The following TPX2 variants were observed in gnomAD, a reference collection of about 807,000 sequenced individuals.
TPX2 encodes the protein TPX2 microtubule nucleation factor.
Under a neutral mutation model 93.6 loss-of-function variants are expected in TPX2, and 21 were observed. That is an observed-to-expected ratio of 0.22 (90% CI 0.16 to 0.32). The LOEUF (loss-of-function observed/expected upper bound fraction) is 0.32, where lower values mean the gene tolerates loss of function less well. TPX2 is among the 10% of genes least tolerant of loss of function. The pLI is 1.00. For synonymous variants in TPX2, 281 were observed against 298.3 expected (o/e 0.94, Z 0.60); for missense variants, 776 against 871.1 (o/e 0.89, Z 1.37).
chr20:31,796,704 A>AT lies in TPX2; in HGVS notation c.1834-685dup, dbSNP rs781035098. The stretch of plus-strand genomic sequence containing the variant: ...GGAGGCTTGATTCAATTCTGGTTAG[A>AT]TTTTTTTTTTTTTTTGGAGGTGGGA... On this transcript the variant is annotated intron_variant, in intron 15 of 17. Coordinates refer to ENST00000300403, the MANE Select transcript of TPX2 (RefSeq NM_012112.5). Among the ~76,000 whole-genome samples the AT allele has an allele frequency of 3.4e-3, 477 of 140,880 alleles. 3 individuals carry two copies. The highest frequency in any genetic ancestry group is 0.012 in the South Asian group (55 of 4,412). The allele number at this position is 140,880 out of a possible 152,430, so 92.4% of individuals were successfully genotyped here.
chr20:31,754,407 C>A (rs1425810162), intron 2 of TPX2, among the ~76,000 whole-genome samples: 1 of 152,100 alleles, frequency 6.6e-6, no homozygotes, highest in East Asian at 1.9e-4. Flanking sequence ...TTGCCCTAGT[C>A]CACTGAGAGA....
At chr20:31,796,389 C>T (rs927498091) in intron 15 of TPX2, among the ~76,000 whole-genome samples, 1 of 152,186 alleles carries the variant, frequency 6.6e-6, no homozygotes, top group Non-Finnish European at 1.5e-5. Context: ...TATTCTCACA[C>T]TTAAAAAGAT....
At chr20:31,774,980 G>A (rs1023034489) in intron 7 of TPX2, among the ~76,000 whole-genome samples, 7 of 152,128 alleles carry the variant, frequency 4.6e-5, no homozygotes, top group African/African-American at 1.7e-4. Context: ...TGTTTTTGGA[G>A]ATGGAGTCTC....
chr20:31,778,743 A>G (rs775685119), intron 9 of TPX2, 70 bp from the exon 10 acceptor site: 1 of 1,410,594 alleles, frequency 7.1e-7, no homozygotes, highest in Admixed American at 2.6e-5. Flanking sequence ...TCTGTGCCGA[A>G]TATGTGGCTT....
At chr20:31,791,190 C>T (rs1350280658) in intron 12 of TPX2, among the ~76,000 whole-genome samples, 2 of 151,940 alleles carry the variant, frequency 1.3e-5, no homozygotes, top group African/African-American at 4.8e-5. Context: ...GCCATGAAGG[C>T]GATATTTATG....
intron 4 of TPX2, 102 bp from the exon 5 acceptor site, chr20:31,766,454 G>GGGGTGTGTGTGTGTGT (rs1477138596): frequency 1.5e-6 from 1 of 680,646 alleles, no homozygotes; most frequent in African/African-American, 2.2e-5. Flanking sequence ...GCTTAGACAG[G>GGGGTGTGTGTGTGTGT]GTGTGTGTGT....
intron 9 of TPX2, 149 bp downstream of exon 9, chr20:31,777,787 T>C: frequency 1.1e-6 from 1 of 876,350 alleles, no homozygotes; most frequent in South Asian, 2.8e-5. Flanking sequence ...GATCTTTTTT[T>C]TTTTTTGAGA....
chr20:31,776,417 G>A (rs1266989127), intron 8 of TPX2, among the ~76,000 whole-genome samples: 1 of 151,946 alleles, frequency 6.6e-6, no homozygotes, highest in Non-Finnish European at 1.5e-5. Context: ...AAATAAAAAG[G>A]CTTTCTCATT....
intron 5 of TPX2, among the ~76,000 whole-genome samples, chr20:31,769,062 GATA>G (rs1435274655): frequency 1.3e-5 from 2 of 152,176 alleles, no homozygotes; most frequent in Non-Finnish European, 2.9e-5. Flanking sequence ...AGTTGAGTGA[GATA>G]AGCCAGACAG....
At chr20:31,748,783 A>G (rs1303157262) in intron 2 of TPX2, among the ~76,000 whole-genome samples, 2 of 152,172 alleles carry the variant, frequency 1.3e-5, no homozygotes, top group African/African-American at 4.8e-5. Context: ...TGATGGTAGC[A>G]TTTATTTATA....
intron 4 of TPX2, among the ~76,000 whole-genome samples, chr20:31,762,546 C>T (rs11904960): frequency 0.012 from 1,890 of 152,098 alleles, 34 homozygotes; most frequent in African/African-American, 0.044. Flanking sequence ...GATGGGGTTT[C>T]GTGATGTCGG....
rs1011772051 is a variant in TPX2 at position 31,798,303 on chromosome 20, G to C, written c.1946-62G>C. 6 of 1,602,256 alleles carry C rather than the reference G, an allele frequency of 3.7e-6. No homozygotes were observed. The Admixed American group carries it at 6.7e-5, about 18-fold the overall frequency. ...ATGTCTGTGCCACTTGCTCATTCCA[G>C]GGGGCGTAGGTTTATGCAAGTCCTG... On this transcript the variant is annotated intron_variant, in intron 16 of 17. Coordinates refer to ENST00000300403, the MANE Select transcript of TPX2 (RefSeq NM_012112.5).
At chr20:31,755,959 C>G (rs1484743365) in intron 2 of TPX2, among the ~76,000 whole-genome samples, 3 of 152,142 alleles carry the variant, frequency 2.0e-5, no homozygotes, top group African/African-American at 7.2e-5. Context: ...TAGGGAGGGG[C>G]CTATTTAACT....
At chr20:31,758,358 G>A (rs2061864882) in intron 3 of TPX2, among the ~76,000 whole-genome samples, 1 of 152,052 alleles carries the variant, frequency 6.6e-6, no homozygotes, top group Non-Finnish European at 1.5e-5. Flanking sequence ...GACCTCAGGT[G>A]ATCCACCCAC....
At position 31,801,177 on chromosome 20, in the gene TPX2, C is replaced by T. The variant is rs1266645021; in HGVS notation, c.*97C>T. 9.4e-7 allele frequency: 1 copy of T among 1,068,098 alleles called. No homozygotes were observed. Among genetic ancestry groups the T allele is most frequent in the Non-Finnish European group, 1.4e-6 (1 of 705,770 alleles). The allele number at this position is 1,068,098 out of a possible 1,614,324, so 66.2% of individuals were successfully genotyped here. A position where few individuals can be genotyped will look rare whatever the true frequency, so the allele number is the denominator to read the frequency against. On this transcript the variant is annotated 3_prime_UTR_variant, in exon 18 of 18. Coordinates refer to ENST00000300403, the MANE Select transcript of TPX2 (RefSeq NM_012112.5). ...CTTTGTCATTGGGCATGGAGAGAAC[C>T]CATTTCTCCAGACTTTTACCTACCC...
At chr20:31,781,012 T>C in intron 10 of TPX2, 1 of 368,412 alleles carries the variant, frequency 2.7e-6, no homozygotes, top group South Asian at 2.1e-5. Context: ...GTCCAACTCC[T>C]GGGCTCAAGC....
chr20:31,773,996 C>T (rs552649736), intron 7 of TPX2, among the ~76,000 whole-genome samples: 11 of 152,110 alleles, frequency 7.2e-5, no homozygotes, highest in Middle Eastern at 3.4e-3. Context: ...CTCAGCCTCC[C>T]GAGTAGCTGG....
At chr20:31,782,111 A>G in intron 10 of TPX2, 138 bp from the exon 11 acceptor site, 4 of 1,134,076 alleles carry the variant, frequency 3.5e-6, no homozygotes, top group African/African-American at 3.2e-5. Context: ...GGTTTGACCA[A>G]TGTAAGCTGA....
At position 31,770,451 on chromosome 20, in the gene TPX2, A is replaced by G. The variant is rs756117497; in HGVS notation, c.465A>G (p.Leu155=). The change falls in exon 6 of 18, where the codon CTA becomes CTG. Residue 155 remains leucine (L), a synonymous_variant. Transcript: ENST00000300403. The part of the protein sequence containing the change: ...CATPVIIDEI[L]PSKKMKVSNN... ...CTCCTGTAATCATCGATGAAATTCT[A>G]CCCTCTAAGAAAATGAAAGTGTGAG... The G allele has an allele frequency of 1.9e-6, 3 of 1,584,968 alleles. No homozygotes were observed. The highest frequency in any genetic ancestry group is 2.3e-5 in the East Asian group (1 of 43,726).
Sources: gnomAD v4.1 joint callset for allele counts (sites outside exome capture counted in the v4.1 genomes callset) on GRCh38, gnomAD v4.1.1 for gene constraint, MANE v1.5 for transcripts, NCBI Gene and HGNC (gene_info 2026-07-23, HGNC 2026-07-21) for gene names.